Variants in TMEM117 observed in about 807,000 individuals in gnomAD.
TMEM117 encodes transmembrane protein 117.
A neutral mutation model predicts 52.4 loss-of-function variants in TMEM117; 27 were observed. The observed-to-expected ratio is 0.51, with a 90% CI of 0.38 to 0.71. The LOEUF is 0.71. Ranked by LOEUF, TMEM117 falls within the 30% of genes least tolerant of loss-of-function variation. The probability of loss-of-function intolerance (pLI) is 0.00; values close to 1 mark genes in which losing one functional copy is unlikely to be tolerated. For synonymous variants in TMEM117, 215 were observed against 206.3 expected (o/e 1.04, Z -0.36); for missense variants, 556 against 630.5 (o/e 0.88, Z 1.26).
At chr12:43,796,964 T>C in the TMEM117 span, 3 of 1,605,924 alleles carry the variant, frequency 1.9e-6, no homozygotes, top group African/African-American at 2.7e-5. Flanking sequence ...GATTTTAAAA[T>C]AGGTGGGCTA....
the TMEM117 span, among the ~76,000 whole-genome samples, chr12:43,830,286 C>A: frequency 3.1e-4 from 47 of 152,110 alleles, no homozygotes; most frequent in South Asian, 9.1e-3. Context: ...TGCTAGCCCA[C>A]CCTCTGTTTG....
At chr12:44,203,202 A>T (rs7313269) in intron 4 of TMEM117, among the ~76,000 whole-genome samples, 36,936 of 151,974 alleles carry the variant, frequency 0.24, 7,959 homozygotes, top group African/African-American at 0.58. Context: ...GTTATATGTT[A>T]CCAGGAATTT....
At chr12:44,346,447 T>G (rs1951488177) in intron 6 of TMEM117, among the ~76,000 whole-genome samples, 1 of 152,094 alleles carries the variant, frequency 6.6e-6, no homozygotes. Flanking sequence ...ACAGGAAACA[T>G]GCAGCACACA....
At chr12:44,099,413 T>C (rs1159413304) in intron 3 of TMEM117, among the ~76,000 whole-genome samples, 1 of 152,146 alleles carries the variant, frequency 6.6e-6, no homozygotes, top group Admixed American at 6.6e-5. Flanking sequence ...AGTAACACTA[T>C]ACTTTTAACA....
chr12:43,911,779 A>C (rs1421892650), intron 2 of TMEM117, among the ~76,000 whole-genome samples: 1 of 148,722 alleles, frequency 6.7e-6, no homozygotes, highest in Non-Finnish European at 1.5e-5. Flanking sequence ...GAGAAATTCA[A>C]ATCAAAACCA....
chr12:43,827,573 C>T, the TMEM117 span, among the ~76,000 whole-genome samples: 1 of 152,150 alleles, frequency 6.6e-6, no homozygotes, highest in African/African-American at 2.4e-5. Context: ...AACACATTAT[C>T]TTTATCATTA....
At chr12:43,879,432 A>G (rs940501501) in intron 2 of TMEM117, among the ~76,000 whole-genome samples, 6 of 152,216 alleles carry the variant, frequency 3.9e-5, no homozygotes, top group Admixed American at 3.9e-4. Context: ...TGAGTGCCAT[A>G]TCACTCTGAA....
At chr12:44,195,075 C>G (rs74830372) in intron 4 of TMEM117, among the ~76,000 whole-genome samples, 1 of 152,110 alleles carries the variant, frequency 6.6e-6, no homozygotes, top group African/African-American at 2.4e-5. Context: ...TGATAGCTCA[C>G]TCTTCTGTAG....
chr12:44,234,125 T>C (rs916228822), intron 5 of TMEM117, among the ~76,000 whole-genome samples: 1 of 151,390 alleles, frequency 6.6e-6, no homozygotes, highest in Non-Finnish European at 1.5e-5. Flanking sequence ...TAAAATCAGT[T>C]GGGGATTGTA....
chr12:44,106,402 C>A (rs1379699308), intron 3 of TMEM117, among the ~76,000 whole-genome samples: 1 of 151,880 alleles, frequency 6.6e-6, no homozygotes. Flanking sequence ...AAATTGAACT[C>A]CAATTAAAAA....
At chr12:44,079,983 A>C (rs1357073544) in intron 3 of TMEM117, among the ~76,000 whole-genome samples, 1 of 148,170 alleles carries the variant, frequency 6.7e-6, no homozygotes, top group Non-Finnish European at 1.5e-5. Context: ...ATGGCATTGC[A>C]TTCCAGCCTG....
intron 3 of TMEM117, among the ~76,000 whole-genome samples, chr12:44,064,731 A>T (rs1947195170): frequency 6.6e-6 from 1 of 152,226 alleles, no homozygotes; most frequent in South Asian, 2.1e-4. Flanking sequence ...TGCATAATTT[A>T]GCGTTCAATA....
In TMEM117 at chr12:43,998,876, G is replaced by A. The variant is rs371959621; in HGVS notation, c.410+54534G>A. ...ATCAGTAAGAAAAAAGATAGACATA[G>A]AAATATGGTCAAGAGACTTAGCAGG... On this transcript the variant is annotated intron_variant, in intron 3 of 7. Coordinates refer to ENST00000266534, the MANE Select transcript of TMEM117 (RefSeq NM_032256.3). 3.3e-5 allele frequency among the ~76,000 whole-genome samples: 5 copies of A among 152,210 alleles called. No individual in the cohort carries two copies. In the East Asian group the frequency reaches 7.7e-4, roughly 23 times the overall value.
chr12:44,206,011 G>A (rs1000460691), intron 4 of TMEM117, among the ~76,000 whole-genome samples: 1 of 152,214 alleles, frequency 6.6e-6, no homozygotes, highest in African/African-American at 2.4e-5. Flanking sequence ...GAATCAGGGG[G>A]CTGACAGCCT....
In TMEM117 at chr12:43,841,580, A is replaced by T. The variant is rs997454636; in HGVS notation, c.-28-3044A>T. On this transcript the variant is annotated intron_variant, in intron 1 of 7. Coordinates refer to ENST00000266534, the MANE Select transcript of TMEM117 (RefSeq NM_032256.3). ...AATTTAACTTGAGCATGTGGACATT[A>T]CATAGCCCACGAAGCAAGTTTCCGA... is the stretch of plus-strand genomic sequence containing the variant. Among the ~76,000 whole-genome samples the T allele has an allele frequency of 5.9e-5, 9 of 152,354 alleles. No individual in the cohort carries two copies. In the East Asian group the frequency reaches 1.3e-3, roughly 23 times the overall value.
At chr12:44,345,889 A>G (rs7310993) in intron 6 of TMEM117, among the ~76,000 whole-genome samples, 7,805 of 152,166 alleles carry the variant, frequency 0.051, 198 homozygotes, top group Admixed American at 0.059. Flanking sequence ...GGCACAGTGT[A>G]ATCTCTTATC....
At chr12:44,288,005 C>T (rs1240116061) in intron 5 of TMEM117, among the ~76,000 whole-genome samples, 4 of 152,112 alleles carry the variant, frequency 2.6e-5, no homozygotes, top group African/African-American at 7.2e-5. Context: ...TTACTATTTC[C>T]TGCATGGCAG....
At chr12:44,314,590 A>G (rs1951031725) in intron 6 of TMEM117, among the ~76,000 whole-genome samples, 1 of 148,794 alleles carries the variant, frequency 6.7e-6, no homozygotes, top group Non-Finnish European at 1.5e-5. Context: ...TTTTTAAGAC[A>G]AAGTCTCACT....
chr12:44,045,546 A>G lies in TMEM117; in HGVS notation c.411-97979A>G, dbSNP rs1227353107. Among the ~76,000 whole-genome samples, 6 of 152,180 alleles carry G rather than the reference A, an allele frequency of 3.9e-5. 1 individual carries two copies. The East Asian group carries it at 1.2e-3, about 29-fold the overall frequency. Reference sequence around the variant, plus strand: ...TGACCAAGGTACTCACTTTACGGCTAAAGAAGTGCAGCAGTGGCCGGGCAC... The same window carrying G: ...TGACCAAGGTACTCACTTTACGGCTGAAGAAGTGCAGCAGTGGCCGGGCAC... On this transcript the variant is annotated intron_variant, in intron 3 of 7. Coordinates refer to ENST00000266534, the MANE Select transcript of TMEM117 (RefSeq NM_032256.3).
Sources: gnomAD v4.1 joint callset for allele counts (sites outside exome capture counted in the v4.1 genomes callset) on GRCh38, gnomAD v4.1.1 for gene constraint, MANE v1.5 for transcripts, NCBI Gene and HGNC (gene_info 2026-07-23, HGNC 2026-07-21) for gene names.